LRBA: variants seen among roughly 807,000 people sequenced by gnomAD.
The protein encoded by LRBA is LPS responsive beige-like anchor protein.
In LRBA, 176 loss-of-function variants were observed where a neutral mutation model predicts 330.0. That is an observed-to-expected ratio of 0.53 (90% CI 0.47 to 0.60). LRBA has a LOEUF of 0.60. Among genes scored for constraint, LRBA ranks in the 20% least tolerant of loss-of-function variants. LRBA has a pLI of 0.00. For missense variants in LRBA, 3,259 were observed against 3,444.8 expected (o/e 0.95, Z 1.35); for synonymous variants, 1,230 against 1,193.0 (o/e 1.03, Z -0.64).
intron 48 of LRBA, among the ~76,000 whole-genome samples, chr4:150,336,299 G>C (rs931638237): frequency 1.3e-5 from 2 of 152,214 alleles, no homozygotes; most frequent in Admixed American, 1.3e-4. Context: ...AATTAATTTT[G>C]TTAATATTGA....
chr4:150,884,644 G>A (rs1728749294), intron 17 of LRBA, among the ~76,000 whole-genome samples: 2 of 152,132 alleles, frequency 1.3e-5, no homozygotes, highest in Non-Finnish European at 2.9e-5. Context: ...AGTCAGAGCT[G>A]TAGACCGTGG....
chr4:150,537,942 GA>G (rs1180383724), intron 40 of LRBA, among the ~76,000 whole-genome samples: 1 of 151,824 alleles, frequency 6.6e-6, no homozygotes, highest in Non-Finnish European at 1.5e-5. Context: ...GTGACAGAGC[GA>G]GACTCTGTCT....
chr4:150,552,762 G>A (rs1053262622), intron 40 of LRBA, among the ~76,000 whole-genome samples: 1 of 152,098 alleles, frequency 6.6e-6, no homozygotes, highest in Non-Finnish European at 1.5e-5. Flanking sequence ...GTCCATCAAT[G>A]ATAGACTGGA....
At chr4:150,729,790 AACAG>A (rs1425380342) in intron 36 of LRBA, among the ~76,000 whole-genome samples, 1 of 152,200 alleles carries the variant, frequency 6.6e-6, no homozygotes, top group African/African-American at 2.4e-5. Flanking sequence ...TTAGAATAAA[AACAG>A]ACACATAAAC....
chr4:150,657,171 A>G (rs1211895098), intron 37 of LRBA, among the ~76,000 whole-genome samples: 3 of 152,222 alleles, frequency 2.0e-5, no homozygotes, highest in African/African-American at 7.2e-5. Context: ...AATCCATAAG[A>G]CAGACTTCCC....
Position 150,828,250 on chromosome 4 carries a change from G to A in LRBA, c.5101C>T (p.Pro1701Ser). The change falls in exon 30 of 57, where the codon CCA becomes TCA. Residue 1701 changes from proline to serine, a missense_variant. By Grantham distance (74) the Pro-to-Ser change is moderately conservative. Transcript: ENST00000651943. ...DGVTVDPALL[P>S]PACLGALGDL... ...CCAAGGGCTCCAAGGCAGGCTGGTGGCAGAAGGGCAGGATCCACTGTGACT... is the reference window on the plus strand; with the variant it reads ...CCAAGGGCTCCAAGGCAGGCTGGTGACAGAAGGGCAGGATCCACTGTGACT... 1 of 1,614,142 alleles carries A rather than the reference G, an allele frequency of 6.2e-7. No homozygotes were observed. Among genetic ancestry groups the A allele is most frequent in the Non-Finnish European group, 8.5e-7 (1 of 1,180,008 alleles).
intron 40 of LRBA, among the ~76,000 whole-genome samples, chr4:150,534,403 T>C (rs1406054055): frequency 6.6e-6 from 1 of 150,414 alleles, no homozygotes; most frequent in African/African-American, 2.4e-5. Flanking sequence ...CACTTTTTAG[T>C]ACATCATCCA....
chr4:150,544,534 C>G (rs1765657238), intron 40 of LRBA, among the ~76,000 whole-genome samples: 1 of 152,194 alleles, frequency 6.6e-6, no homozygotes, highest in Non-Finnish European at 1.5e-5. Context: ...TAATTCCCTT[C>G]TCCTATCCCT....
intron 35 of LRBA, among the ~76,000 whole-genome samples, chr4:150,738,853 G>GA (rs970391541): frequency 3.6e-4 from 51 of 141,978 alleles, no homozygotes; most frequent in South Asian, 2.2e-4. Flanking sequence ...TCAGAAGAAG[G>GA]AAAAAAAAAA....
chr4:150,380,003 T>TAAA (rs371691815), intron 47 of LRBA, among the ~76,000 whole-genome samples: 10 of 115,240 alleles, frequency 8.7e-5, no homozygotes, highest in East Asian at 2.5e-4. Flanking sequence ...TTTCTACTAC[T>TAAA]AAAAAAAAAA....
chr4:150,553,998 G>C (rs761114810), intron 40 of LRBA, among the ~76,000 whole-genome samples: 5 of 152,160 alleles, frequency 3.3e-5, no homozygotes, highest in Non-Finnish European at 5.9e-5. Flanking sequence ...CATCTTCTCT[G>C]AATTGCTATA....
chr4:150,415,027 CA>C (rs1402384567), intron 47 of LRBA, among the ~76,000 whole-genome samples: 1 of 152,160 alleles, frequency 6.6e-6, no homozygotes, highest in East Asian at 1.9e-4. Flanking sequence ...AGATTTCCTT[CA>C]AATGATAGAT....
At chr4:150,725,540 C>G (rs1729554323) in intron 36 of LRBA, among the ~76,000 whole-genome samples, 1 of 152,142 alleles carries the variant, frequency 6.6e-6, no homozygotes, top group Admixed American at 6.5e-5. Flanking sequence ...CAAACAAACG[C>G]TAAAGGATTT....
chr4:150,322,712 C>T (rs56374126), intron 49 of LRBA, among the ~76,000 whole-genome samples: 22,889 of 152,212 alleles, frequency 0.15, 2,213 homozygotes, highest in East Asian at 0.26. Flanking sequence ...GCTACCCGGA[C>T]ACCCTTCTGA....
chr4:150,622,175 T>C (rs984382053), intron 37 of LRBA, among the ~76,000 whole-genome samples: 1 of 152,164 alleles, frequency 6.6e-6, no homozygotes, highest in African/African-American at 2.4e-5. Context: ...CAATGGCCTG[T>C]TTAGAATATT....
chr4:150,267,549 G>T (rs994621169), intron 56 of LRBA, among the ~76,000 whole-genome samples: 1 of 152,132 alleles, frequency 6.6e-6, no homozygotes, highest in Non-Finnish European at 1.5e-5. Flanking sequence ...ATTTTTAGCT[G>T]TAAACACATA....
intron 2 of LRBA, among the ~76,000 whole-genome samples, chr4:150,942,859 T>A (rs1735830474): frequency 6.6e-6 from 1 of 152,188 alleles, no homozygotes; most frequent in African/African-American, 2.4e-5. Context: ...AATAATCTAT[T>A]ATTTAAGTTA....
intron 2 of LRBA, among the ~76,000 whole-genome samples, chr4:151,011,365 G>A (rs1744820653): frequency 6.6e-6 from 1 of 152,084 alleles, no homozygotes; most frequent in South Asian, 2.1e-4. Context: ...TCAGGAGGCT[G>A]AACGGGTGGA....
intron 2 of LRBA, among the ~76,000 whole-genome samples, chr4:150,962,599 G>C (rs573173424): frequency 6.7e-6 from 1 of 149,110 alleles, no homozygotes; most frequent in African/African-American, 2.6e-5. Context: ...GCCTTTCTAT[G>C]TATGATTCAA....
Sources: gnomAD v4.1 joint callset for allele counts (sites outside exome capture counted in the v4.1 genomes callset) on GRCh38, gnomAD v4.1.1 for gene constraint, MANE v1.5 for transcripts, NCBI Gene and HGNC (gene_info 2026-07-23, HGNC 2026-07-21) for gene names.